Variants in SYT9 observed in about 807,000 individuals in gnomAD.
SYT9 encodes the protein synaptotagmin 9.
Under a neutral mutation model 48.4 loss-of-function variants are expected in SYT9, and 22 were observed. The ratio of observed to expected loss-of-function variants is 0.45; its 90% CI spans 0.32 to 0.65. The LOEUF is 0.65. Ranked by LOEUF, SYT9 falls within the 30% of genes least tolerant of loss-of-function variation. The pLI is 0.03. For synonymous variants in SYT9, 265 were observed against 245.0 expected (o/e 1.08, Z -0.76); for missense variants, 577 against 622.0 (o/e 0.93, Z 0.77).
intron 1 of SYT9, among the ~76,000 whole-genome samples, chr11:7,302,013 T>G (rs1317269330): frequency 6.6e-6 from 1 of 152,200 alleles, no homozygotes; most frequent in Non-Finnish European, 1.5e-5. Context: ...GCAGATGCTG[T>G]CATTACCTGC....
intron 3 of SYT9, among the ~76,000 whole-genome samples, chr11:7,323,830 G>T (rs947865116): frequency 1.3e-5 from 2 of 151,714 alleles, no homozygotes; most frequent in Admixed American, 1.3e-4. Context: ...TCAGCTATTT[G>T]GTTTGCTAAT....
intron 6 of SYT9, among the ~76,000 whole-genome samples, chr11:7,463,208 C>A (rs944496586): frequency 6.6e-6 from 1 of 152,176 alleles, no homozygotes; most frequent in East Asian, 1.9e-4. Flanking sequence ...GGCACCAGCA[C>A]TGGAACCAGC....
chr11:7,369,712 A>G (rs1589977706), intron 3 of SYT9, among the ~76,000 whole-genome samples: 2 of 144,084 alleles, frequency 1.4e-5, no homozygotes, highest in African/African-American at 5.2e-5. Flanking sequence ...AGTTCTCCGG[A>G]TAATGGGTTT....
chr11:7,410,099 G>A (rs962192681), intron 3 of SYT9, among the ~76,000 whole-genome samples: 2 of 151,998 alleles, frequency 1.3e-5, no homozygotes, highest in African/African-American at 4.8e-5. Context: ...TTTCTTAATT[G>A]ACCCAGTGGT....
At chr11:7,335,559 A>C (rs1411403745) in intron 3 of SYT9, among the ~76,000 whole-genome samples, 2 of 152,082 alleles carry the variant, frequency 1.3e-5, no homozygotes, top group Non-Finnish European at 2.9e-5. Context: ...AAGTGAGAAC[A>C]TGTGGTATTT....
chr11:7,261,495 A>G (rs1589893565), intron 1 of SYT9, among the ~76,000 whole-genome samples: 1 of 152,152 alleles, frequency 6.6e-6, no homozygotes, highest in East Asian at 1.9e-4. Context: ...TGAAACAGAA[A>G]ATTAAAAGTT....
intron 6 of SYT9, among the ~76,000 whole-genome samples, chr11:7,431,725 T>C (rs1345526114): frequency 6.6e-6 from 1 of 152,240 alleles, no homozygotes; most frequent in Non-Finnish European, 1.5e-5. Flanking sequence ...GCTCTAGCCA[T>C]GGCTCAAAGG....
intron 3 of SYT9, among the ~76,000 whole-genome samples, chr11:7,404,699 A>T (rs11829023): frequency 0.15 from 23,543 of 152,120 alleles, 2,280 homozygotes; most frequent in African/African-American, 0.27. Flanking sequence ...GATTATGTGC[A>T]TATCCCTAAA....
At chr11:7,456,006 G>T (rs12789375) in intron 6 of SYT9, among the ~76,000 whole-genome samples, 14 of 152,288 alleles carry the variant, frequency 9.2e-5, no homozygotes, top group South Asian at 4.1e-4. Context: ...CCTCCATGAA[G>T]TTTCTAGTGA....
At chr11:7,387,505 G>C (rs190518989) in intron 3 of SYT9, among the ~76,000 whole-genome samples, 11 of 151,952 alleles carry the variant, frequency 7.2e-5, no homozygotes, top group African/African-American at 2.7e-4. Flanking sequence ...ATATCATGTC[G>C]TCTAACGATA....
chr11:7,320,544 G>A (rs1849319237), intron 3 of SYT9, among the ~76,000 whole-genome samples: 1 of 152,192 alleles, frequency 6.6e-6, no homozygotes, highest in Non-Finnish European at 1.5e-5. Context: ...CTGAAAGTTA[G>A]ATATTTAATA....
chr11:7,441,356 C>T (rs1010159725), intron 6 of SYT9: 7 of 152,196 alleles, frequency 4.6e-5, no homozygotes, highest in African/African-American at 1.7e-4. Context: ...GAGATGTTTC[C>T]TGGAAGTCTT....
chr11:7,260,257 C>T (rs956657024), intron 1 of SYT9, among the ~76,000 whole-genome samples: 1 of 152,072 alleles, frequency 6.6e-6, no homozygotes, highest in South Asian at 2.1e-4. Flanking sequence ...GGATACAGTA[C>T]AGAAAAAAGA....
At chr11:7,264,747 A>G (rs1488329619) in intron 1 of SYT9, among the ~76,000 whole-genome samples, 3 of 152,128 alleles carry the variant, frequency 2.0e-5, no homozygotes, top group Non-Finnish European at 4.4e-5. Flanking sequence ...GATTGAAGAC[A>G]GGAGCTCAAA....
In SYT9 at chr11:7,289,977, T is replaced by C. The variant is rs1281857697; in HGVS notation, c.146-13062T>C. On this transcript the variant is annotated intron_variant, in intron 1 of 6. Coordinates refer to ENST00000318881, the MANE Select transcript of SYT9 (RefSeq NM_175733.4). ...TTGAATACAAAGACACAATAGCTTA[T>C]GCTTTTAACCAAATACTAATAGTCG... is the stretch of plus-strand genomic sequence containing the variant. Among the ~76,000 whole-genome samples, 4 of 152,260 alleles carry C rather than the reference T, an allele frequency of 2.6e-5. No individual in the cohort carries two copies. The East Asian group carries it at 7.7e-4, about 29-fold the overall frequency.
chr11:7,337,164 A>G (rs1047464357), intron 3 of SYT9, among the ~76,000 whole-genome samples: 1 of 152,012 alleles, frequency 6.6e-6, no homozygotes, highest in African/African-American at 2.4e-5. Context: ...GCTGGTGTGT[A>G]GGAATGTTAG....
intron 1 of SYT9, among the ~76,000 whole-genome samples, chr11:7,281,747 A>C (rs1488299007): frequency 6.6e-6 from 1 of 152,246 alleles, no homozygotes; most frequent in Non-Finnish European, 1.5e-5. Flanking sequence ...AGTGCTGTGC[A>C]AGGTTGTTTC....
At chr11:7,432,581 AAATATATATACATATATATAT>A (rs1847618834) in intron 6 of SYT9, among the ~76,000 whole-genome samples, 14 of 3,078 alleles carry the variant, frequency 4.5e-3, no homozygotes, top group African/African-American at 6.9e-3. Flanking sequence ...AAAAAAAAAA[AAATATATATACATATATATAT>A]ATATATATAT....
intron 6 of SYT9, among the ~76,000 whole-genome samples, chr11:7,452,139 A>ACACACACC (rs1848065926): frequency 6.6e-6 from 1 of 151,878 alleles, no homozygotes; most frequent in Non-Finnish European, 1.5e-5. Flanking sequence ...ACACACACAC[A>ACACACACC]CACACACACT....
Sources: allele counts gnomAD v4.1 joint callset (sites outside exome capture counted in the v4.1 genomes callset), GRCh38; gene constraint gnomAD v4.1.1; transcripts MANE v1.5; gene names NCBI Gene and HGNC (gene_info 2026-07-23, HGNC 2026-07-21).